The following NRXN3 variants were observed in gnomAD, a reference collection of about 807,000 sequenced individuals.
NRXN3 encodes the protein neurexin III.
A neutral mutation model predicts 137.6 loss-of-function variants in NRXN3; 32 were observed. The ratio of observed to expected loss-of-function variants is 0.23; its 90% CI spans 0.18 to 0.31. The LOEUF is 0.31. Ranked by LOEUF, NRXN3 falls within the 10% of genes least tolerant of loss-of-function variation. The pLI is 1.00. For missense variants in NRXN3, 1,574 were observed against 2,062.5 expected (o/e 0.76, Z 4.59); for synonymous variants, 798 against 784.5 (o/e 1.02, Z -0.29).
At chr14:79,326,698 T>C (rs1317172436) in intron 15 of NRXN3, among the ~76,000 whole-genome samples, 1 of 152,226 alleles carries the variant, frequency 6.6e-6, no homozygotes, top group Non-Finnish European at 1.5e-5. Context: ...ATAAAAGATC[T>C]GTGTTTGCTT....
chr14:79,412,179 T>C (rs924133722), intron 15 of NRXN3, among the ~76,000 whole-genome samples: 25 of 152,092 alleles, frequency 1.6e-4, no homozygotes, highest in African/African-American at 5.8e-4. Context: ...GGCTCTGACA[T>C]TTGCTTGCTC....
Position 78,233,907 on chromosome 14 carries a change from A to G in NRXN3, c.-703-8484A>G, listed in dbSNP as rs573792865. On this transcript the variant is annotated intron_variant, in intron 1 of 20. Transcript: ENST00000335750. Reference sequence around the variant, plus strand: ...CTAAGCAGTCCCTGTGATATGGCTTAGCTGTGTCCCCACCCAAATCTCATC... The same window carrying G: ...CTAAGCAGTCCCTGTGATATGGCTTGGCTGTGTCCCCACCCAAATCTCATC... 1.3e-3 allele frequency among the ~76,000 whole-genome samples: 201 copies of G among 152,312 alleles called. 1 individual carries two copies. The highest frequency in any genetic ancestry group is 4.4e-3 in the African/African-American group (183 of 41,566).
intron 15 of NRXN3, among the ~76,000 whole-genome samples, chr14:79,436,242 C>G (rs1301115893): frequency 6.6e-6 from 1 of 152,182 alleles, no homozygotes; most frequent in Non-Finnish European, 1.5e-5. Flanking sequence ...TTCTTTCTGT[C>G]TTTGGTGTCT....
chr14:78,408,456 A>G (rs1464416732), intron 4 of NRXN3, among the ~76,000 whole-genome samples: 5 of 152,242 alleles, frequency 3.3e-5, no homozygotes, highest in Non-Finnish European at 7.3e-5. Context: ...AATTTATCAC[A>G]TGAAAATGCT....
intron 4 of NRXN3, among the ~76,000 whole-genome samples, chr14:78,439,886 T>C (rs550938812): frequency 6.6e-6 from 1 of 152,264 alleles, no homozygotes; most frequent in Admixed American, 6.5e-5. Flanking sequence ...ATTCCCTCTC[T>C]TCCTCCTTCT....
At chr14:78,294,836 G>A (rs1330140838) in intron 3 of NRXN3, among the ~76,000 whole-genome samples, 2 of 152,158 alleles carry the variant, frequency 1.3e-5, no homozygotes, top group African/African-American at 4.8e-5. Context: ...GTAAATATAA[G>A]CACATGCATA....
At chr14:78,694,414 A>G (rs2098204722) in intron 6 of NRXN3, among the ~76,000 whole-genome samples, 1 of 151,934 alleles carries the variant, frequency 6.6e-6, no homozygotes. Flanking sequence ...TCCTTTGTAT[A>G]TAATAGTTGA....
At chr14:78,923,170 A>C (rs1333587464) in intron 10 of NRXN3, among the ~76,000 whole-genome samples, 1 of 152,166 alleles carries the variant, frequency 6.6e-6, no homozygotes, top group Non-Finnish European at 1.5e-5. Context: ...GCACCTTCTC[A>C]TGGTTGAGCA....
intron 10 of NRXN3, among the ~76,000 whole-genome samples, chr14:78,846,652 TC>T (rs1221187650): frequency 6.6e-6 from 1 of 152,058 alleles, no homozygotes; most frequent in Non-Finnish European, 1.5e-5. Flanking sequence ...GTGTTGAGAT[TC>T]CTAGCATCTC....
Position 78,550,104 on chromosome 14 carries a change from G to A in NRXN3, c.758-95016G>A, listed in dbSNP as rs116973917. ...GTTGGAGTGCAGTAGTGCGATCACA[G>A]CACACTGCAGCCTCAACCTCCCCAG... On this transcript the variant is annotated intron_variant, in intron 4 of 20. Transcript: ENST00000335750. Among the ~76,000 whole-genome samples the A allele has an allele frequency of 5.4e-3, 798 of 146,976 alleles. 43 individuals carry two copies. The East Asian group carries it at 0.11, about 20-fold the overall frequency.
At chr14:78,725,633 T>A (rs913098652) in intron 8 of NRXN3, among the ~76,000 whole-genome samples, 2 of 152,226 alleles carry the variant, frequency 1.3e-5, no homozygotes, top group African/African-American at 4.8e-5. Flanking sequence ...AAAAAAATGA[T>A]GAATAACAGT....
chr14:79,194,290 A>G (rs1213207300), intron 15 of NRXN3, among the ~76,000 whole-genome samples: 1 of 152,214 alleles, frequency 6.6e-6, no homozygotes, highest in Non-Finnish European at 1.5e-5. Context: ...CAAAAATGCC[A>G]GAACCTTCTT....
At chr14:79,122,859 G>A (rs560485032) in intron 15 of NRXN3, among the ~76,000 whole-genome samples, 2 of 152,070 alleles carry the variant, frequency 1.3e-5, no homozygotes, top group East Asian at 3.9e-4. Flanking sequence ...AGACTTTTTT[G>A]AAATCTATTT....
intron 15 of NRXN3, among the ~76,000 whole-genome samples, chr14:79,010,878 G>GC (rs1376742712): frequency 2.6e-5 from 4 of 152,146 alleles, no homozygotes; most frequent in African/African-American, 4.8e-5. Flanking sequence ...TCTGTTAGAA[G>GC]CCCATCCCCT....
intron 10 of NRXN3, among the ~76,000 whole-genome samples, chr14:78,858,511 T>A (rs1322099387): frequency 6.6e-6 from 1 of 152,180 alleles, no homozygotes; most frequent in Non-Finnish European, 1.5e-5. Context: ...GGAATCTCAA[T>A]ATTTTTCTTC....
At chr14:78,867,992 T>C (rs1417408840) in intron 10 of NRXN3, among the ~76,000 whole-genome samples, 1 of 148,358 alleles carries the variant, frequency 6.7e-6, no homozygotes, top group African/African-American at 2.4e-5. Context: ...AAAATGATTG[T>C]AATTTTAAAT....
At chr14:78,523,111 C>G (rs1425430549) in intron 4 of NRXN3, among the ~76,000 whole-genome samples, 1 of 152,192 alleles carries the variant, frequency 6.6e-6, no homozygotes, top group Non-Finnish European at 1.5e-5. Flanking sequence ...TGACAATAGA[C>G]ACAAGTCTGA....
intron 16 of NRXN3, among the ~76,000 whole-genome samples, chr14:79,605,698 C>T (rs1486473318): frequency 6.6e-6 from 1 of 152,054 alleles, no homozygotes; most frequent in African/African-American, 2.4e-5. Context: ...CCATGTTGGC[C>T]CGGCTGCTCT....
intron 4 of NRXN3, among the ~76,000 whole-genome samples, chr14:78,361,525 T>C (rs1347819291): frequency 6.6e-6 from 1 of 152,208 alleles, no homozygotes; most frequent in Non-Finnish European, 1.5e-5. Context: ...TTAATTTCTC[T>C]AGATCTCTTG....
Sources: allele counts gnomAD v4.1 joint callset (sites outside exome capture counted in the v4.1 genomes callset), GRCh38; gene constraint gnomAD v4.1.1; transcripts MANE v1.5; gene names NCBI Gene and HGNC (gene_info 2026-07-23, HGNC 2026-07-21).